Variants in CYB5R4 observed in about 807,000 individuals in gnomAD.
The protein encoded by CYB5R4 is N-terminal cytochrome b5 and cytochrome b5 oxidoreductase domain-containing protein.
A neutral mutation model predicts 70.2 loss-of-function variants in CYB5R4; 55 were observed. The observed-to-expected ratio is 0.78, with a 90% CI of 0.63 to 0.98. The LOEUF is 0.98. CYB5R4 is among the 50% of genes least tolerant of loss of function. The pLI, the probability that CYB5R4 is intolerant of heterozygous loss-of-function variation, is 0.00. For synonymous variants in CYB5R4, 197 were observed against 199.5 expected, an observed-to-expected ratio of 0.99 and a Z score of 0.11; for missense variants, 562 against 612.6, an observed-to-expected ratio of 0.92 and a Z score of 0.87.
At chr6:83,922,746 C>T (rs1337943623) in intron 9 of CYB5R4, among the ~76,000 whole-genome samples, 1 of 151,496 alleles carries the variant, frequency 6.6e-6, no homozygotes, top group East Asian at 1.9e-4. Context: ...TTAAATATAC[C>T]CCTCCCTCTG....
At chr6:83,869,094 A>G (rs2099457174) in intron 2 of CYB5R4, among the ~76,000 whole-genome samples, 2 of 152,366 alleles carry the variant, frequency 1.3e-5, no homozygotes, top group African/African-American at 4.8e-5. Flanking sequence ...ATTGTCATAT[A>G]CTAGTAAATT....
Position 83,963,951 on chromosome 6 carries a change from T to C in CYB5R4, c.*4073T>C. ...GGTGGTTTTATCAGGGGTTTCCGCT[T>C]TTGCATCTTACTCATTTTCTCTTGC... On this transcript the variant is annotated 3_prime_UTR_variant, in exon 16 of 16. Transcript: ENST00000369681. The C allele has an allele frequency of 4.9e-6, 1 of 205,320 alleles. No homozygotes were observed. The highest frequency in any genetic ancestry group is 9.5e-6 in the Non-Finnish European group (1 of 105,152). The allele number at this position is 205,320 out of a possible 1,614,324, so 12.7% of individuals were successfully genotyped here.
intron 14 of CYB5R4, among the ~76,000 whole-genome samples, chr6:83,946,785 C>T (rs973846190): frequency 4.6e-5 from 7 of 151,442 alleles, no homozygotes; most frequent in South Asian, 2.1e-4. Context: ...TAATAGAGAG[C>T]GAAATCATGA....
At chr6:83,873,993 A>G (rs1165274015) in intron 2 of CYB5R4, among the ~76,000 whole-genome samples, 1 of 152,124 alleles carries the variant, frequency 6.6e-6, no homozygotes, top group Non-Finnish European at 1.5e-5. Flanking sequence ...GAAATTATGT[A>G]CATGGGCAGG....
intron 15 of CYB5R4, among the ~76,000 whole-genome samples, chr6:83,956,810 C>T (rs984094241): frequency 4.6e-5 from 7 of 150,996 alleles, no homozygotes; most frequent in Non-Finnish European, 5.9e-5. Context: ...AAGTAAGTCA[C>T]GATATATGGG....
At position 83,966,545 on chromosome 6, in the gene CYB5R4, G is replaced by A. The variant is rs902894384; in HGVS notation, c.*6667G>A. ...TCTCTCTACTAAAAATACAAAATTA[G>A]CCAGGTGTGGTAGCATAGGCCTGTA... On this transcript the variant is annotated 3_prime_UTR_variant, in exon 16 of 16. Transcript: ENST00000369681. 2 of 152,108 alleles carry A rather than the reference G, an allele frequency of 1.3e-5. No homozygotes were observed. The highest frequency in any genetic ancestry group is 6.6e-5 in the Admixed American group (1 of 15,266). The allele number at this position is 152,108 out of a possible 1,614,324, so 9.4% of individuals were successfully genotyped here.
intron 3 of CYB5R4, among the ~76,000 whole-genome samples, chr6:83,899,553 C>T (rs935112100): frequency 1.3e-5 from 2 of 152,120 alleles, no homozygotes; most frequent in East Asian, 1.9e-4. Context: ...CCAGCTCCTC[C>T]TTGTACCTCT....
intron 14 of CYB5R4, among the ~76,000 whole-genome samples, chr6:83,941,531 C>T (rs2099469765): frequency 6.6e-6 from 1 of 152,048 alleles, no homozygotes; most frequent in Admixed American, 6.6e-5. Context: ...GCCCTTAGAA[C>T]TTTGTTAGCT....
chr6:83,934,682 C>T lies in CYB5R4; in HGVS notation c.902C>T (p.Thr301Ile). 6.2e-7 allele frequency: 1 copy of T among 1,613,822 alleles called. No homozygotes were observed. Among genetic ancestry groups the T allele is most frequent in the Non-Finnish European group, 8.5e-7 (1 of 1,179,786 alleles). Residue 301 changes from threonine (T) to isoleucine (I), a missense_variant, in exon 11 of 16, where the codon ACT becomes ATT. Physicochemically the swap from Thr to Ile is moderately conservative, Grantham distance 89. Coordinates refer to ENST00000369681, the MANE Select transcript of CYB5R4 (RefSeq NM_016230.4). ...TTCTGTTTGATGCTGCCACCAAGCA[C>T]TCATCTTCAAGTGCCCATTGGGCAA... The part of the protein sequence containing the change: ...RLFCLMLPPS[T>I]HLQVPIGQHV...
intron 3 of CYB5R4, among the ~76,000 whole-genome samples, chr6:83,903,808 C>T (rs2099463365): frequency 6.6e-6 from 1 of 151,932 alleles, no homozygotes; most frequent in Non-Finnish European, 1.5e-5. Context: ...TCCATTTTCT[C>T]TAGGTTTTCC....
chr6:83,964,439 G>A lies in CYB5R4; in HGVS notation c.*4561G>A, dbSNP rs140270225. ...CATTTTGCCCCTGCCCTGGAGATTT[G>A]TGGAACTCTGAACTTGAGAGAGATG... On this transcript the variant is annotated 3_prime_UTR_variant, in exon 16 of 16. Coordinates refer to ENST00000369681, the MANE Select transcript of CYB5R4 (RefSeq NM_016230.4). The A allele has an allele frequency of 0.012, 1,827 of 152,912 alleles. 14 individuals carry two copies. Among genetic ancestry groups the A allele is most frequent in the Non-Finnish European group, 0.021 (1,427 of 68,504 alleles). 9.5% of individuals were successfully genotyped at this position (152,912 alleles called of 1,614,324 possible).
chr6:83,950,154 A>G (rs983462279), intron 14 of CYB5R4, among the ~76,000 whole-genome samples: 2 of 152,224 alleles, frequency 1.3e-5, no homozygotes, highest in Non-Finnish European at 1.5e-5. Flanking sequence ...TTCTATTTCA[A>G]TCTGATTTTC....
intron 2 of CYB5R4, among the ~76,000 whole-genome samples, chr6:83,887,511 T>G (rs996062307): frequency 2.0e-5 from 3 of 152,248 alleles, no homozygotes; most frequent in South Asian, 4.1e-4. Context: ...AGAAACTCAG[T>G]GTAGTTATTG....
chr6:83,923,801 T>G (rs2099466812), intron 9 of CYB5R4, among the ~76,000 whole-genome samples: 1 of 151,932 alleles, frequency 6.6e-6, no homozygotes, highest in Non-Finnish European at 1.5e-5. Flanking sequence ...CTTCAGATTC[T>G]AAGGAATGTT....
At chr6:83,949,988 T>C (rs556180860) in intron 14 of CYB5R4, among the ~76,000 whole-genome samples, 137 of 152,292 alleles carry the variant, frequency 9.0e-4, no homozygotes, top group African/African-American at 3.2e-3. Flanking sequence ...ATCTATTATG[T>C]ACCTGTACAC....
chr6:83,941,110 T>A (rs6454347), intron 14 of CYB5R4, among the ~76,000 whole-genome samples: 39,305 of 152,094 alleles, frequency 0.26, 9,390 homozygotes, highest in African/African-American at 0.63. Flanking sequence ...TCTTCGCTCT[T>A]TCACTAGTGA....
rs1280513667 is a variant in CYB5R4 at position 83,965,873 on chromosome 6, T to C, written c.*5995T>C. 1 of 152,252 alleles carries C rather than the reference T, an allele frequency of 6.6e-6. No homozygotes were observed. Among genetic ancestry groups the C allele is most frequent in the Non-Finnish European group, 1.5e-5 (1 of 68,090 alleles). The allele number at this position is 152,252 out of a possible 1,614,324, so 9.4% of individuals were successfully genotyped here. A position where few individuals can be genotyped will look rare whatever the true frequency, so the allele number is the denominator to read the frequency against. ...AATAAGTCTCATGAGATCTGATGGT[T>C]TCATCAGGGGGTTCCGCTTTTGCAT... On this transcript the variant is annotated 3_prime_UTR_variant, in exon 16 of 16. Coordinates refer to ENST00000369681, the MANE Select transcript of CYB5R4 (RefSeq NM_016230.4).
intron 2 of CYB5R4, among the ~76,000 whole-genome samples, chr6:83,869,627 G>A (rs1395842101): frequency 6.6e-6 from 1 of 152,106 alleles, no homozygotes; most frequent in Non-Finnish European, 1.5e-5. Flanking sequence ...TCACGAGTTC[G>A]AGAACAACCT....
At chr6:83,949,522 G>T (rs1325688201) in intron 14 of CYB5R4, among the ~76,000 whole-genome samples, 1 of 152,082 alleles carries the variant, frequency 6.6e-6, no homozygotes, top group Non-Finnish European at 1.5e-5. Context: ...ACACATTTCT[G>T]TGGTTAAATT....
Sources: allele counts gnomAD v4.1 joint callset (sites outside exome capture counted in the v4.1 genomes callset), GRCh38; gene constraint gnomAD v4.1.1; transcripts MANE v1.5; gene names NCBI Gene and HGNC (gene_info 2026-07-23, HGNC 2026-07-21).